The following IL1RAPL1 variants were observed in gnomAD, a reference collection of about 807,000 sequenced individuals.
The protein encoded by IL1RAPL1 is interleukin 1 receptor accessory protein like 1.
Under a neutral mutation model 48.4 loss-of-function variants are expected in IL1RAPL1, and 3 were observed. That is an observed-to-expected ratio of 0.06 (90% CI 0.03 to 0.16). The LOEUF (loss-of-function observed/expected upper bound fraction) is 0.16, where lower values mean the gene tolerates loss of function less well. Ranked by LOEUF, IL1RAPL1 falls within the 10% of genes least tolerant of loss-of-function variation. The pLI, the probability that IL1RAPL1 is intolerant of heterozygous loss-of-function variation, is 1.00. For synonymous variants in IL1RAPL1, 185 were observed against 187.7 expected (o/e 0.99, Z 0.12); for missense variants, 349 against 530.6 (o/e 0.66, Z 3.36).
At chrX:29,469,755 T>C (rs758189982) in intron 5 of IL1RAPL1, among the ~76,000 whole-genome samples, 1 of 112,069 alleles carries the variant, frequency 8.9e-6, no homozygotes, top group African/African-American at 3.2e-5. Flanking sequence ...CCCTTCTTGG[T>C]AACCTTGGCT....
chrX:29,830,634 G>A (rs939359834), intron 6 of IL1RAPL1, among the ~76,000 whole-genome samples: 1 of 110,207 alleles, frequency 9.1e-6, no homozygotes, highest in Non-Finnish European at 1.9e-5. Context: ...GTATTTGTTA[G>A]TACAGACGGG....
At chrX:28,911,002 A>G (rs749983806) in intron 2 of IL1RAPL1, among the ~76,000 whole-genome samples, 54 of 111,476 alleles carry the variant, frequency 4.8e-4, no homozygotes, top group Admixed American at 1.2e-3. Context: ...TAAAAGCAGT[A>G]CAGAATACTA....
intron 2 of IL1RAPL1, among the ~76,000 whole-genome samples, chrX:28,808,547 A>G (rs1175931902): frequency 1.8e-5 from 2 of 111,149 alleles, no homozygotes; most frequent in African/African-American, 6.5e-5. Flanking sequence ...GATAATTTAT[A>G]CATTCTTTAC....
chrX:29,933,180 G>C (rs967111982), intron 8 of IL1RAPL1, among the ~76,000 whole-genome samples: 2 of 110,940 alleles, frequency 1.8e-5, no homozygotes, highest in African/African-American at 6.6e-5. Flanking sequence ...ACCGGGGCCT[G>C]TCTCAGGGTG....
At chrX:28,972,109 G>A (rs1925091285) in intron 2 of IL1RAPL1, among the ~76,000 whole-genome samples, 1 of 110,768 alleles carries the variant, frequency 9.0e-6, no homozygotes, top group Admixed American at 9.7e-5. Flanking sequence ...CATCTGAACT[G>A]TTGTAATAAC....
At chrX:29,670,398 A>G (rs975762580) in intron 6 of IL1RAPL1, among the ~76,000 whole-genome samples, 1 of 112,127 alleles carries the variant, frequency 8.9e-6, no homozygotes, top group Non-Finnish European at 1.9e-5. Context: ...TCACTCAAAA[A>G]GGAGCATGAG....
intron 2 of IL1RAPL1, among the ~76,000 whole-genome samples, chrX:29,032,504 G>A (rs1413716797): frequency 9.0e-6 from 1 of 111,317 alleles, no homozygotes; most frequent in African/African-American, 3.3e-5. Context: ...ATTTTGCCCA[G>A]GTCATTCTTA....
chrX:28,610,369 A>G (rs1229468613), intron 1 of IL1RAPL1, among the ~76,000 whole-genome samples: 2 of 111,965 alleles, frequency 1.8e-5, no homozygotes, highest in Non-Finnish European at 3.8e-5. Context: ...AATTTCCAGC[A>G]TCTTGTTGCT....
intron 5 of IL1RAPL1, among the ~76,000 whole-genome samples, chrX:29,534,267 C>T (rs781013674): frequency 1.8e-5 from 2 of 111,487 alleles, no homozygotes; most frequent in East Asian, 2.8e-4. Flanking sequence ...ACTTACGAGC[C>T]CTCTGTTAAA....
intron 5 of IL1RAPL1, among the ~76,000 whole-genome samples, chrX:29,412,787 A>G (rs189587130): frequency 2.7e-5 from 3 of 111,935 alleles, no homozygotes; most frequent in East Asian, 5.6e-4. Flanking sequence ...GACCTTAACT[A>G]AGTTATCTGT....
At chrX:28,814,822 C>T (rs1420171761) in intron 2 of IL1RAPL1, among the ~76,000 whole-genome samples, 2 of 109,176 alleles carry the variant, frequency 1.8e-5, no homozygotes, top group Admixed American at 9.9e-5. Context: ...TATCTTCTCT[C>T]TTAGCATATC....
rs2223505 is a variant in IL1RAPL1 at position 29,227,491 on chromosome X, A to G, written c.83-55447A>G. ...AATCAGACTAAGACTTTTTAATTTGACAGTCTCCTTTTTAACACATAGAGC... is the reference window on the plus strand; with the variant it reads ...AATCAGACTAAGACTTTTTAATTTGGCAGTCTCCTTTTTAACACATAGAGC... On this transcript the variant is annotated intron_variant, in intron 2 of 10. Transcript: ENST00000378993. Among the ~76,000 whole-genome samples, 4 of 110,449 alleles carry G rather than the reference A, an allele frequency of 3.6e-5. No homozygotes were observed. The South Asian group carries it at 1.5e-3, about 42-fold the overall frequency.
At chrX:28,879,644 T>C (rs766917088) in intron 2 of IL1RAPL1, among the ~76,000 whole-genome samples, 5 of 111,949 alleles carry the variant, frequency 4.5e-5, no homozygotes, top group South Asian at 3.7e-4. Context: ...ATGTCAAATA[T>C]AGTACAGTCT....
At chrX:28,953,064 A>G (rs1248353387) in intron 2 of IL1RAPL1, among the ~76,000 whole-genome samples, 1 of 111,338 alleles carries the variant, frequency 9.0e-6, no homozygotes, top group African/African-American at 3.2e-5. Flanking sequence ...TCAAAAAACT[A>G]TAGTGTAGGC....
At chrX:29,194,310 CTG>C (rs1178224767) in intron 2 of IL1RAPL1, among the ~76,000 whole-genome samples, 1 of 112,484 alleles carries the variant, frequency 8.9e-6, no homozygotes, top group Non-Finnish European at 1.9e-5. Flanking sequence ...GCTAGTACCT[CTG>C]TTTTTATAGA....
chrX:28,742,006 A>G (rs1383568508), intron 1 of IL1RAPL1, among the ~76,000 whole-genome samples: 3 of 111,415 alleles, frequency 2.7e-5, no homozygotes, highest in African/African-American at 9.8e-5. Context: ...TCAGACTGAA[A>G]TTAGATTGGC....
At chrX:29,319,126 TACAC>T (rs1049323352) in intron 3 of IL1RAPL1, among the ~76,000 whole-genome samples, 23 of 88,884 alleles carry the variant, frequency 2.6e-4, no homozygotes, top group Non-Finnish European at 3.4e-4. Context: ...GACACACAGA[TACAC>T]ACATACGTAT....
chrX:28,940,492 A>T (rs1332685803), intron 2 of IL1RAPL1, among the ~76,000 whole-genome samples: 1 of 110,751 alleles, frequency 9.0e-6, no homozygotes, highest in African/African-American at 3.3e-5. Flanking sequence ...AACAGTTTAG[A>T]ATATGATCTT....
chrX:29,461,150 T>C (rs765343289), intron 5 of IL1RAPL1, among the ~76,000 whole-genome samples: 1 of 111,515 alleles, frequency 9.0e-6, no homozygotes, highest in Non-Finnish European at 1.9e-5. Flanking sequence ...CAAGAAGATA[T>C]ACAAATGGCC....
Sources: gnomAD v4.1 joint callset for allele counts (sites outside exome capture counted in the v4.1 genomes callset) on GRCh38, gnomAD v4.1.1 for gene constraint, MANE v1.5 for transcripts, NCBI Gene and HGNC (gene_info 2026-07-23, HGNC 2026-07-21) for gene names.